The following TEKT5 variants were observed in gnomAD, a reference collection of about 807,000 sequenced individuals.
TEKT5 encodes tektin-5.
Under a neutral mutation model 48.7 loss-of-function variants are expected in TEKT5, and 52 were observed. The ratio of observed to expected loss-of-function variants is 1.07; its 90% CI spans 0.86 to 1.35. TEKT5 has a LOEUF of 1.35. TEKT5 is among the 40% of genes most tolerant of loss of function. TEKT5 has a pLI of 0.00. For missense variants in TEKT5, 831 were observed against 641.6 expected, an observed-to-expected ratio of 1.30 and a Z score of -3.19; for synonymous variants, 318 against 267.6, an observed-to-expected ratio of 1.19 and a Z score of -1.84.
At chr16:10,662,720 T>C (rs1237391690) in intron 5 of TEKT5, among the ~76,000 whole-genome samples, 1 of 152,208 alleles carries the variant, frequency 6.6e-6, no homozygotes, top group Non-Finnish European at 1.5e-5. Flanking sequence ...GTTGCACCCA[T>C]GACAGGACCA....
At chr16:10,692,102 G>A (rs28489264) in intron 1 of TEKT5, among the ~76,000 whole-genome samples, 1 of 152,170 alleles carries the variant, frequency 6.6e-6, no homozygotes, top group Non-Finnish European at 1.5e-5. Context: ...GGGCAGCCTA[G>A]GAGATAGAAT....
At chr16:10,663,033 C>T (rs1025275731) in intron 5 of TEKT5, among the ~76,000 whole-genome samples, 3 of 152,202 alleles carry the variant, frequency 2.0e-5, no homozygotes, top group African/African-American at 7.2e-5. Flanking sequence ...CAAATCTCCA[C>T]TCCATCCACC....
intron 6 of TEKT5, among the ~76,000 whole-genome samples, chr16:10,628,463 C>A (rs768467008): frequency 5.3e-5 from 8 of 152,158 alleles, no homozygotes; most frequent in Non-Finnish European, 1.2e-4. Flanking sequence ...GGCGTTCAAA[C>A]CAAAATATGT....
intron 5 of TEKT5, among the ~76,000 whole-genome samples, chr16:10,656,702 A>C (rs1250053285): frequency 6.6e-6 from 1 of 152,240 alleles, no homozygotes; most frequent in Non-Finnish European, 1.5e-5. Flanking sequence ...GGTTATACTG[A>C]TCTCTCTAGA....
intron 5 of TEKT5, among the ~76,000 whole-genome samples, chr16:10,642,475 C>G (rs1382564417): frequency 6.6e-6 from 1 of 152,152 alleles, no homozygotes; most frequent in Non-Finnish European, 1.5e-5. Flanking sequence ...CCATGGAAAC[C>G]ATAACAAAGG....
rs765528828 is a variant in TEKT5, at chr16:10,689,239, A to T, written c.719+14T>A. ...CCCCAAGGAGAGGGAATTAAAAAAA[A>T]AAAAAGCCCTTACCGCATCTGGATA... On this transcript the variant is annotated intron_variant, in intron 3 of 6. Coordinates refer to ENST00000283025, the MANE Select transcript of TEKT5 (RefSeq NM_144674.2). 6.3e-7 allele frequency: 1 copy of T among 1,588,424 alleles called. No homozygotes were observed. Among genetic ancestry groups the T allele is most frequent in the South Asian group, 1.2e-5 (1 of 85,136 alleles).
At chr16:10,678,252 C>T (rs1248212124) in intron 4 of TEKT5, among the ~76,000 whole-genome samples, 3 of 152,140 alleles carry the variant, frequency 2.0e-5, no homozygotes, top group Admixed American at 1.3e-4. Flanking sequence ...GCGAGTGCCA[C>T]CACACTTGGC....
intron 5 of TEKT5, among the ~76,000 whole-genome samples, chr16:10,659,643 G>C (rs1898327808): frequency 6.6e-6 from 1 of 152,188 alleles, no homozygotes; most frequent in African/African-American, 2.4e-5. Context: ...TTACAGGCGT[G>C]AGCCACCACA....
intron 5 of TEKT5, among the ~76,000 whole-genome samples, chr16:10,643,002 T>C (rs916085865): frequency 6.6e-6 from 1 of 152,210 alleles, no homozygotes; most frequent in African/African-American, 2.4e-5. Context: ...AGAAATGATG[T>C]TTGAGATGAC....
At position 10,694,445 on chromosome 16, in the gene TEKT5, C is replaced by G; in HGVS notation, c.429G>C (p.Gln143His). The change falls in exon 1 of 7, where the codon CAG becomes CAC. Residue 143 changes from glutamine to histidine, a missense_variant. Gln to His is a conservative substitution (Grantham distance 24). Transcript: ENST00000283025. The part of the protein sequence containing the change: ...MQEGTCRNLG[Q>H]RLSDIGFWKS... Reference sequence around the variant, plus strand: ...TCCAGAAGCCAATGTCCGACAGCCTCTGGCCCAGGTTCCGGCAGGTGCCCT... The same window carrying G: ...TCCAGAAGCCAATGTCCGACAGCCTGTGGCCCAGGTTCCGGCAGGTGCCCT... 2 of 1,614,216 alleles carry G rather than the reference C, an allele frequency of 1.2e-6. No homozygotes were observed. Among genetic ancestry groups the G allele is most frequent in the Non-Finnish European group, 1.7e-6 (2 of 1,180,038 alleles).
intron 5 of TEKT5, among the ~76,000 whole-genome samples, chr16:10,639,865 C>A (rs1362660476): frequency 6.6e-6 from 1 of 152,176 alleles, no homozygotes. Flanking sequence ...TTCTGTGTCC[C>A]CTCTGCATCT....
intron 5 of TEKT5, among the ~76,000 whole-genome samples, chr16:10,662,165 T>C (rs940881355): frequency 3.3e-5 from 5 of 152,196 alleles, no homozygotes; most frequent in African/African-American, 1.2e-4. Context: ...TTTGGCAGCA[T>C]CCCTGGCCTC....
chr16:10,645,371 G>A (rs1036428727), intron 5 of TEKT5, among the ~76,000 whole-genome samples: 12 of 151,804 alleles, frequency 7.9e-5, no homozygotes, highest in African/African-American at 2.9e-4. Flanking sequence ...AATTAGTCAG[G>A]TGTGGTGGTT....
At chr16:10,637,341 T>TAAA (rs35329984) in intron 5 of TEKT5, among the ~76,000 whole-genome samples, 2 of 138,728 alleles carry the variant, frequency 1.4e-5, no homozygotes, top group African/African-American at 2.7e-5. Flanking sequence ...CAGCCCGCTT[T>TAAA]AAAAAAAAAA....
chr16:10,692,811 C>T (rs58598535), intron 1 of TEKT5: 2 of 152,224 alleles, frequency 1.3e-5, no homozygotes, highest in Non-Finnish European at 2.9e-5. Flanking sequence ...AATGCAAAAC[C>T]TCCTTGGGAA....
intron 5 of TEKT5, among the ~76,000 whole-genome samples, chr16:10,652,431 A>G (rs1305384502): frequency 7.2e-6 from 1 of 138,720 alleles, no homozygotes; most frequent in Non-Finnish European, 1.5e-5. Flanking sequence ...AGGTACAGCA[A>G]TCCCTTATAT....
At chr16:10,634,432 C>G (rs1179213270) in intron 6 of TEKT5, among the ~76,000 whole-genome samples, 2 of 152,100 alleles carry the variant, frequency 1.3e-5, no homozygotes, top group Non-Finnish European at 2.9e-5. Context: ...CAGCCCTGGG[C>G]ACAGTGAATG....
intron 1 of TEKT5, among the ~76,000 whole-genome samples, chr16:10,690,989 C>T (rs1208563055): frequency 6.6e-6 from 1 of 152,180 alleles, no homozygotes; most frequent in African/African-American, 2.4e-5. Flanking sequence ...ACGAACCAGG[C>T]TGAGAGTCCC....
At chr16:10,666,675 T>G (rs1898462971) in intron 5 of TEKT5, among the ~76,000 whole-genome samples, 1 of 152,234 alleles carries the variant, frequency 6.6e-6, no homozygotes. Context: ...CATTGATTAC[T>G]GAGTGTCTGC....
Sources: allele counts gnomAD v4.1 joint callset (sites outside exome capture counted in the v4.1 genomes callset), GRCh38; gene constraint gnomAD v4.1.1; transcripts MANE v1.5; gene names NCBI Gene and HGNC (gene_info 2026-07-23, HGNC 2026-07-21).